AUTS2: variants seen among roughly 807,000 people sequenced by gnomAD.
The protein encoded by AUTS2 is activator of transcription and developmental regulator AUTS2.
Under a neutral mutation model 112.4 loss-of-function variants are expected in AUTS2, and 17 were observed. The ratio of observed to expected loss-of-function variants is 0.15; its 90% CI spans 0.10 to 0.23. The LOEUF (loss-of-function observed/expected upper bound fraction) is 0.23, where lower values mean the gene tolerates loss of function less well. AUTS2 is among the 10% of genes least tolerant of loss of function. The pLI is 1.00. For missense variants in AUTS2, 1,510 were observed against 1,701.6 expected, an observed-to-expected ratio of 0.89 and a Z score of 1.98; for synonymous variants, 751 against 702.7, an observed-to-expected ratio of 1.07 and a Z score of -1.09.
In AUTS2 at chr7:70,084,207, G is replaced by C. The variant is rs531532833; in HGVS notation, c.523-33925G>C. ...TTGTCCTTTTTTTTGGAGGAGGGGG[G>C]GTTCTGGCTTCTTTCACTCATATTA... On this transcript the variant is annotated intron_variant, in intron 2 of 18. Transcript: ENST00000342771. Among the ~76,000 whole-genome samples the C allele has an allele frequency of 3.9e-5, 6 of 152,120 alleles. No individual in the cohort carries two copies. The East Asian group carries it at 1.2e-3, about 29-fold the overall frequency.
chr7:70,584,630 G>A (rs1036249477), intron 5 of AUTS2, among the ~76,000 whole-genome samples: 5 of 152,252 alleles, frequency 3.3e-5, no homozygotes, highest in African/African-American at 1.2e-4. Flanking sequence ...GCGAACTTGA[G>A]CCAGCCCTGG....
intron 5 of AUTS2, among the ~76,000 whole-genome samples, chr7:70,580,462 T>C (rs1254851115): frequency 1.3e-5 from 2 of 152,146 alleles, no homozygotes; most frequent in Non-Finnish European, 2.9e-5. Context: ...GGGCAGTCTC[T>C]AGTAGGAGGG....
chr7:70,157,061 A>G (rs1193044060), intron 4 of AUTS2, among the ~76,000 whole-genome samples: 1 of 151,786 alleles, frequency 6.6e-6, no homozygotes, highest in East Asian at 1.9e-4. Flanking sequence ...CGGGTGACAC[A>G]GTGCAAGACT....
At chr7:69,776,238 C>G (rs903350762) in intron 1 of AUTS2, among the ~76,000 whole-genome samples, 3 of 152,138 alleles carry the variant, frequency 2.0e-5, no homozygotes, top group African/African-American at 7.2e-5. Flanking sequence ...GGTCGTAATA[C>G]TTGAACAATT....
chr7:69,869,324 A>C (rs1408738002), intron 1 of AUTS2, among the ~76,000 whole-genome samples: 1 of 152,100 alleles, frequency 6.6e-6, no homozygotes, highest in Non-Finnish European at 1.5e-5. Flanking sequence ...CAGTACCTTC[A>C]TTAGCATCTC....
intron 1 of AUTS2, among the ~76,000 whole-genome samples, chr7:69,657,782 T>G (rs1795610596): frequency 6.6e-6 from 1 of 152,238 alleles, no homozygotes; most frequent in African/African-American, 2.4e-5. Context: ...TTGCTCCATC[T>G]CTGGCTCCTG....
chr7:69,735,798 C>T (rs542325799), intron 1 of AUTS2, among the ~76,000 whole-genome samples: 1 of 152,302 alleles, frequency 6.6e-6, no homozygotes, highest in African/African-American at 2.4e-5. Context: ...CTGTAGACAG[C>T]CAGTGCAGGG....
intron 2 of AUTS2, among the ~76,000 whole-genome samples, chr7:70,082,931 C>T (rs1803391812): frequency 6.6e-6 from 1 of 152,148 alleles, no homozygotes; most frequent in Non-Finnish European, 1.5e-5. Context: ...TCAGTACCTA[C>T]TGTGTGACTT....
chr7:70,061,141 A>G (rs17141168), intron 2 of AUTS2, among the ~76,000 whole-genome samples: 12,362 of 152,238 alleles, frequency 0.081, 638 homozygotes, highest in African/African-American at 0.13. Context: ...TCAAGGGTTC[A>G]TTCTGGTTCG....
Position 70,620,188 on chromosome 7 carries a change from G to C in AUTS2, c.691-78381G>C, listed in dbSNP as rs531323537. Among the ~76,000 whole-genome samples, 11 of 152,274 alleles carry C rather than the reference G, an allele frequency of 7.2e-5. 1 individual carries two copies. The South Asian group carries it at 2.3e-3, about 32-fold the overall frequency. On this transcript the variant is annotated intron_variant, in intron 5 of 18. Transcript: ENST00000342771. ...CTGGTACACCTCAATTTATAGAACAGACACCTTCCTGAAAAACTGCATGTA... is the reference window on the plus strand; with the variant it reads ...CTGGTACACCTCAATTTATAGAACACACACCTTCCTGAAAAACTGCATGTA...
In AUTS2 at chr7:70,791,089, C is replaced by G. The variant is rs1053251917; in HGVS notation, c.*93C>G. 1.9e-5 allele frequency: 25 copies of G among 1,294,692 alleles called. No individual in the cohort carries two copies. Among genetic ancestry groups the G allele is most frequent in the Non-Finnish European group, 2.4e-5 (24 of 1,007,146 alleles). 80.2% of individuals were successfully genotyped at this position (1,294,692 alleles called of 1,614,324 possible). A position where few individuals can be genotyped will look rare whatever the true frequency, so the allele number is the denominator to read the frequency against. ...AGAACTCCTGCATGGCTCACACAGA[C>G]TGGGGGGGAAAGCCCCACCCCTTCC... On this transcript the variant is annotated 3_prime_UTR_variant, in exon 19 of 19. Coordinates refer to ENST00000342771, the MANE Select transcript of AUTS2 (RefSeq NM_015570.4).
intron 5 of AUTS2, among the ~76,000 whole-genome samples, chr7:70,442,530 A>G (rs1311826136): frequency 6.6e-6 from 1 of 152,008 alleles, no homozygotes; most frequent in Admixed American, 6.6e-5. Flanking sequence ...TCGCTCTGTC[A>G]CCCAGGCAGA....
At chr7:70,093,451 G>A (rs187120543) in intron 2 of AUTS2, among the ~76,000 whole-genome samples, 152 of 152,340 alleles carry the variant, frequency 1.0e-3, no homozygotes, top group African/African-American at 3.6e-3. Context: ...AAAACAAGAT[G>A]GATGATTCAC....
At chr7:69,998,502 G>A (rs1002373906) in intron 2 of AUTS2, among the ~76,000 whole-genome samples, 1 of 152,200 alleles carries the variant, frequency 6.6e-6, no homozygotes, top group Non-Finnish European at 1.5e-5. Context: ...GCTTAAAGGT[G>A]CCTGGTTCTG....
intron 1 of AUTS2, among the ~76,000 whole-genome samples, chr7:69,745,103 C>T (rs41379648): frequency 0.099 from 15,029 of 152,168 alleles, 1,186 homozygotes; most frequent in African/African-American, 0.22. Flanking sequence ...TTGAGCATTT[C>T]GCCTTTGCAT....
intron 4 of AUTS2, among the ~76,000 whole-genome samples, chr7:70,305,198 T>C (rs1248236308): frequency 6.6e-6 from 1 of 152,114 alleles, no homozygotes; most frequent in Non-Finnish European, 1.5e-5. Flanking sequence ...ATCTCAGTGG[T>C]TATTACTTTG....
chr7:69,905,081 A>G (rs1458761446), intron 2 of AUTS2, among the ~76,000 whole-genome samples: 3 of 152,132 alleles, frequency 2.0e-5, no homozygotes, highest in Non-Finnish European at 4.4e-5. Flanking sequence ...TATCTTGAGC[A>G]TTTGGAAACA....
At chr7:70,512,974 C>T (rs1799261818) in intron 5 of AUTS2, among the ~76,000 whole-genome samples, 1 of 152,108 alleles carries the variant, frequency 6.6e-6, no homozygotes, top group South Asian at 2.1e-4. Flanking sequence ...TCTGAGAGCT[C>T]GCAATTTAGC....
chr7:70,419,757 G>T (rs1328749558), intron 4 of AUTS2, among the ~76,000 whole-genome samples: 3 of 152,142 alleles, frequency 2.0e-5, no homozygotes, highest in Non-Finnish European at 4.4e-5. Context: ...TCTGCCTCAC[G>T]ACAGCCTTGC....
Sources: allele counts gnomAD v4.1 joint callset (sites outside exome capture counted in the v4.1 genomes callset), GRCh38; gene constraint gnomAD v4.1.1; transcripts MANE v1.5; gene names NCBI Gene and HGNC (gene_info 2026-07-23, HGNC 2026-07-21).